The following PTPRR variants were observed in gnomAD, a reference collection of about 807,000 sequenced individuals.
PTPRR encodes protein tyrosine phosphatase receptor type R.
Under a neutral mutation model 77.2 loss-of-function variants are expected in PTPRR, and 38 were observed. That is an observed-to-expected ratio of 0.49 (90% CI 0.38 to 0.65). PTPRR has a LOEUF of 0.65. Ranked by LOEUF, PTPRR falls within the 30% of genes least tolerant of loss-of-function variation. The probability of loss-of-function intolerance (pLI) is 0.00; values close to 1 mark genes in which losing one functional copy is unlikely to be tolerated. For synonymous variants in PTPRR, 299 were observed against 283.1 expected, an observed-to-expected ratio of 1.06 and a Z score of -0.57; for missense variants, 744 against 799.2, an observed-to-expected ratio of 0.93 and a Z score of 0.83.
At chr12:70,859,154 C>T (rs1244556028) in intron 2 of PTPRR, among the ~76,000 whole-genome samples, 1 of 151,816 alleles carries the variant, frequency 6.6e-6, no homozygotes, top group East Asian at 1.9e-4. Context: ...CTTTAAAATT[C>T]AGTGGAAATA....
chr12:70,682,445 G>C (rs1440393503), intron 10 of PTPRR, among the ~76,000 whole-genome samples: 1 of 152,166 alleles, frequency 6.6e-6, no homozygotes, highest in Non-Finnish European at 1.5e-5. Context: ...TTTGTCTCCA[G>C]TTCTTGTATT....
intron 2 of PTPRR, among the ~76,000 whole-genome samples, chr12:70,819,752 G>A (rs1447990246): frequency 3.3e-5 from 5 of 152,308 alleles, no homozygotes; most frequent in Admixed American, 6.5e-5. Flanking sequence ...GAGGATGGCC[G>A]AGAATACACA....
chr12:70,795,054 T>C (rs1891487704), intron 2 of PTPRR, among the ~76,000 whole-genome samples: 1 of 152,182 alleles, frequency 6.6e-6, no homozygotes, highest in Non-Finnish European at 1.5e-5. Flanking sequence ...TTATAATCTC[T>C]GTTATAATGC....
chr12:70,819,848 C>T (rs1020099685), intron 2 of PTPRR, among the ~76,000 whole-genome samples: 1 of 152,042 alleles, frequency 6.6e-6, no homozygotes, highest in Non-Finnish European at 1.5e-5. Context: ...ACACTTTCTA[C>T]ATCATAGAAT....
intron 2 of PTPRR, among the ~76,000 whole-genome samples, chr12:70,765,125 G>T (rs1466177939): frequency 1.3e-5 from 2 of 152,174 alleles, no homozygotes; most frequent in African/African-American, 4.8e-5. Flanking sequence ...GAGGTACCAG[G>T]TTCATCTCAC....
At chr12:70,763,101 A>T (rs1290201169) in intron 3 of PTPRR, among the ~76,000 whole-genome samples, 1 of 151,580 alleles carries the variant, frequency 6.6e-6, no homozygotes, top group Non-Finnish European at 1.5e-5. Flanking sequence ...TTGTATATAT[A>T]TAAAAAATCT....
At chr12:70,765,693 C>T (rs573068440) in intron 2 of PTPRR, among the ~76,000 whole-genome samples, 26 of 152,284 alleles carry the variant, frequency 1.7e-4, no homozygotes, top group South Asian at 1.4e-3. Flanking sequence ...GATCTGAGAA[C>T]GGGTAGACTG....
At chr12:70,734,998 T>C (rs1176100201) in intron 6 of PTPRR, among the ~76,000 whole-genome samples, 1 of 152,202 alleles carries the variant, frequency 6.6e-6, no homozygotes. Flanking sequence ...TTTTGCCTCC[T>C]TTTTCTTCAT....
At position 70,662,579 on chromosome 12, in the gene PTPRR, C is replaced by G. The variant is rs752288704; in HGVS notation, c.1524G>C (p.Lys508Asn). Residue 508 changes from lysine (K) to asparagine (N), a missense_variant, in exon 11 of 14, where the codon AAG becomes AAC. Lys to Asn is a moderately conservative substitution (Grantham distance 94, BLOSUM62 0). Around this residue, in one of 3 missense-constraint regions of PTPRR, gnomAD observed 170 missense variants for 209.8 expected, o/e 0.81. Transcript: ENST00000283228. ...CCTCAACTTTTCCATATATCCCTCT[C>G]TTTTCCGGCCAGTATAGCACACATT... ...NEKCVLYWPE[K>N]RGIYGKVEVL... The G allele has an allele frequency of 1.9e-6, 3 of 1,611,328 alleles. No homozygotes were observed. The highest frequency in any genetic ancestry group is 2.2e-5 in the South Asian group (2 of 91,024).
intron 2 of PTPRR, among the ~76,000 whole-genome samples, chr12:70,880,058 A>G (rs1174659943): frequency 6.6e-6 from 1 of 152,182 alleles, no homozygotes; most frequent in Non-Finnish European, 1.5e-5. Flanking sequence ...TCACCAGCCA[A>G]CCAATGGCTT....
intron 2 of PTPRR, among the ~76,000 whole-genome samples, chr12:70,809,326 T>C (rs551732411): frequency 2.4e-4 from 37 of 152,280 alleles, no homozygotes; most frequent in African/African-American, 8.7e-4. Flanking sequence ...GGATGGGACA[T>C]TGTTGAACTA....
At chr12:70,701,616 T>C (rs1888428049) in intron 6 of PTPRR, among the ~76,000 whole-genome samples, 1 of 151,986 alleles carries the variant, frequency 6.6e-6, no homozygotes, top group Non-Finnish European at 1.5e-5. Flanking sequence ...AGTGAAAAAT[T>C]AAGTAAAAAA....
intron 2 of PTPRR, among the ~76,000 whole-genome samples, chr12:70,790,984 C>A (rs1292998097): frequency 1.3e-5 from 2 of 152,216 alleles, no homozygotes; most frequent in Non-Finnish European, 2.9e-5. Flanking sequence ...ACTTCTACCA[C>A]CTCCACATCT....
intron 6 of PTPRR, among the ~76,000 whole-genome samples, chr12:70,706,095 A>G (rs1022275940): frequency 4.6e-5 from 7 of 152,098 alleles, no homozygotes; most frequent in Non-Finnish European, 1.0e-4. Flanking sequence ...GGAGAAATGG[A>G]GAGATGGAAT....
intron 10 of PTPRR, among the ~76,000 whole-genome samples, chr12:70,679,948 G>C (rs1887594327): frequency 6.6e-6 from 1 of 152,028 alleles, no homozygotes; most frequent in Admixed American, 6.6e-5. Context: ...CTGTTTTCTA[G>C]ATACTTTGTT....
chr12:70,673,596 G>A, intron 10 of PTPRR, among the ~76,000 whole-genome samples: 1 of 152,096 alleles, frequency 6.6e-6, no homozygotes, highest in Admixed American at 6.5e-5. Context: ...CATAAATTAT[G>A]GTGCTATGTT....
At chr12:70,696,014 T>C (rs921559231) in intron 8 of PTPRR, among the ~76,000 whole-genome samples, 6 of 152,184 alleles carry the variant, frequency 3.9e-5, no homozygotes, top group African/African-American at 1.2e-4. Context: ...GTCTTATGAA[T>C]GAATTAATGA....
chr12:70,787,188 T>C (rs1891340594), intron 2 of PTPRR, among the ~76,000 whole-genome samples: 1 of 152,210 alleles, frequency 6.6e-6, no homozygotes, highest in African/African-American at 2.4e-5. Context: ...TCTTTTTCTT[T>C]TAGGAAGATT....
intron 13 of PTPRR, chr12:70,639,618 G>T: frequency 1.7e-6 from 1 of 578,428 alleles, no homozygotes; most frequent in Non-Finnish European, 2.2e-6. Flanking sequence ...CCAATTCTTA[G>T]CTGTATGCAT....
Sources: allele counts gnomAD v4.1 joint callset (sites outside exome capture counted in the v4.1 genomes callset), GRCh38; gene constraint gnomAD v4.1.1; regional missense constraint gnomAD v4.1.1; transcripts MANE v1.5; gene names NCBI Gene and HGNC (gene_info 2026-07-23, HGNC 2026-07-21).